DNMBP: variants seen among roughly 807,000 people sequenced by gnomAD.
The protein encoded by DNMBP is dynamin binding protein, also known as dynamin-binding protein.
A neutral mutation model predicts 150.0 loss-of-function variants in DNMBP; 87 were observed. The observed-to-expected ratio is 0.58, with a 90% CI of 0.49 to 0.69. The LOEUF (loss-of-function observed/expected upper bound fraction) is 0.69, where lower values mean the gene tolerates loss of function less well. DNMBP is among the 30% of genes least tolerant of loss of function. The pLI, the probability that DNMBP is intolerant of heterozygous loss-of-function variation, is 0.00. For synonymous variants in DNMBP, 711 were observed against 750.4 expected (o/e 0.95, Z 0.86); for missense variants, 1,774 against 1,949.0 (o/e 0.91, Z 1.69).
chr10:99,949,827 T>C (rs1240286437), intron 4 of DNMBP, among the ~76,000 whole-genome samples: 1 of 152,122 alleles, frequency 6.6e-6, no homozygotes, highest in African/African-American at 2.4e-5. Flanking sequence ...GTAGTACCAG[T>C]CCATTTACCC....
intron 1 of DNMBP, among the ~76,000 whole-genome samples, chr10:100,005,428 T>C (rs2041057372): frequency 6.6e-6 from 1 of 152,040 alleles, no homozygotes; most frequent in Non-Finnish European, 1.5e-5. Flanking sequence ...AGCAGAGAAT[T>C]AGACACATAA....
chr10:99,998,363 A>C (rs2040974273), intron 1 of DNMBP, among the ~76,000 whole-genome samples: 1 of 152,130 alleles, frequency 6.6e-6, no homozygotes, highest in Non-Finnish European at 1.5e-5. Flanking sequence ...GGATTGCCTG[A>C]GCTCAGGAGT....
At position 99,969,021 on chromosome 10, in the gene DNMBP, G is replaced by A. The variant is rs953194561; in HGVS notation, c.268+94C>T. ...TTGCCGAGGACTCTCTAGAGGTTAA[G>A]CCACTTCACAAATTCAAAAAGGATC... On this transcript the variant is annotated intron_variant, in intron 3 of 16. Coordinates refer to ENST00000324109, the MANE Select transcript of DNMBP (RefSeq NM_015221.4). 3.4e-6 allele frequency: 5 copies of A among 1,482,296 alleles called. No individual in the cohort carries two copies. The African/African-American group carries it at 6.9e-5, about 21-fold the overall frequency. 91.8% of individuals were successfully genotyped at this position (1,482,296 alleles called of 1,614,324 possible). A position where few individuals can be genotyped will look rare whatever the true frequency, so the allele number is the denominator to read the frequency against.
chr10:99,883,870 T>G, intron 15 of DNMBP, 141 bp downstream of exon 15: 1 of 713,124 alleles, frequency 1.4e-6, no homozygotes. Context: ...TAGAGAAGGT[T>G]AAGGTTATTT....
At chr10:99,913,941 C>T in intron 4 of DNMBP, 1 of 1,372,374 alleles carries the variant, frequency 7.3e-7, no homozygotes, top group Non-Finnish European at 9.5e-7. Flanking sequence ...GCTCCCACAC[C>T]CCAGGACCTA....
rs964301866 is a variant in DNMBP, at chr10:100,004,085, A to AG, written c.-11+5752_-11+5753insC. 2.6e-3 allele frequency among the ~76,000 whole-genome samples: 396 copies of AG among 150,662 alleles called. 2 individuals carry two copies. Among genetic ancestry groups the AG allele is most frequent in the Admixed American group, 3.6e-3 (55 of 15,132 alleles). On this transcript the variant is annotated intron_variant, in intron 1 of 16. Transcript: ENST00000324109. Reference sequence around the variant, plus strand: ...TATCTCTAAAAAAATTACAAAAAAAAAAAAGAAAAATTAGCCAGGGATGGT... The same window carrying AG: ...TATCTCTAAAAAAATTACAAAAAAAAGAAAAGAAAAATTAGCCAGGGATGGT...
intron 1 of DNMBP, among the ~76,000 whole-genome samples, chr10:99,974,000 A>C (rs1389735400): frequency 2.6e-5 from 4 of 152,130 alleles, no homozygotes; most frequent in African/African-American, 7.2e-5. Context: ...AAGGAAAAGG[A>C]AAGGGAAAAT....
chr10:99,969,558 A>C (rs1359916219), intron 2 of DNMBP, among the ~76,000 whole-genome samples: 1 of 152,266 alleles, frequency 6.6e-6, no homozygotes, highest in Non-Finnish European at 1.5e-5. Context: ...GAATTCAGAC[A>C]TAAATAATAA....
chr10:99,900,329 GA>G (rs2039720686), intron 6 of DNMBP, among the ~76,000 whole-genome samples: 2 of 152,274 alleles, frequency 1.3e-5, no homozygotes, highest in Admixed American at 6.5e-5. Flanking sequence ...ACCCAGGCTG[GA>G]GTGCAGTGGC....
chr10:99,945,334 C>T (rs541404975), intron 4 of DNMBP, among the ~76,000 whole-genome samples: 4 of 152,158 alleles, frequency 2.6e-5, no homozygotes, highest in Admixed American at 6.5e-5. Flanking sequence ...TACTGGCACG[C>T]GGAGTAAAAT....
chr10:99,876,407 G>GT lies in DNMBP; in HGVS notation c.*743_*744insA, dbSNP rs2039274990. On this transcript the variant is annotated 3_prime_UTR_variant, in exon 17 of 17. Coordinates refer to ENST00000324109, the MANE Select transcript of DNMBP (RefSeq NM_015221.4). ...AAGACCCCATCTCAAAAAAAAAAGC[G>GT]GGGGGGCAGTGATTGTACCTAACAA... 1 of 147,356 alleles carries GT rather than the reference G, an allele frequency of 6.8e-6. No homozygotes were observed. Among genetic ancestry groups the GT allele is most frequent in the Non-Finnish European group, 1.5e-5 (1 of 66,414 alleles). The allele number at this position is 147,356 out of a possible 1,614,324, so 9.1% of individuals were successfully genotyped here.
At chr10:100,005,764 C>CAAAAAA (rs760685767) in intron 1 of DNMBP, among the ~76,000 whole-genome samples, 3 of 37,966 alleles carry the variant, frequency 7.9e-5, no homozygotes, top group African/African-American at 3.0e-4. Flanking sequence ...CAAAAGTCTC[C>CAAAAAA]AAAAAAAAAA....
chr10:100,005,806 G>C (rs1234861032), intron 1 of DNMBP, among the ~76,000 whole-genome samples: 1 of 132,456 alleles, frequency 7.5e-6, no homozygotes, highest in African/African-American at 3.0e-5. Flanking sequence ...AAAGGAAAAT[G>C]AATTACAGCA....
At chr10:99,878,666 C>T (rs1466520868) in intron 16 of DNMBP, among the ~76,000 whole-genome samples, 7 of 152,166 alleles carry the variant, frequency 4.6e-5, no homozygotes, top group Admixed American at 1.3e-4. Flanking sequence ...ACCCAGGACA[C>T]GACTGGGCCT....
At chr10:99,993,188 T>A (rs1371381242) in intron 1 of DNMBP, among the ~76,000 whole-genome samples, 1 of 152,190 alleles carries the variant, frequency 6.6e-6, no homozygotes, top group Admixed American at 6.5e-5. Context: ...ATTATCTGCA[T>A]TAAAGAGAGA....
rs2040487384 is a variant in DNMBP at position 99,955,990 on chromosome 10, G to C, written c.1484C>G (p.Ser495Ter). 3 of 1,614,074 alleles carry C rather than the reference G, an allele frequency of 1.9e-6. No individual in the cohort carries two copies. Among genetic ancestry groups the C allele is most frequent in the African/African-American group, 1.3e-5 (1 of 74,924 alleles). ...TGCTAGGTTGTGGAGCTGAGGACTTGATTGTCTGGGTTTGACTACCCTTGA... is the reference window on the plus strand; with the variant it reads ...TGCTAGGTTGTGGAGCTGAGGACTTCATTGTCTGGGTTTGACTACCCTTGA... ...SASRVVKPRQ[S>*]SPQLHNLASY... Residue 495 changes from serine (S) to a stop codon, truncating the protein, a stop_gained, in exon 4 of 17, where the codon TCA (serine) becomes TGA (stop). Transcript: ENST00000324109. LOFTEE classifies it high-confidence loss of function.
intron 4 of DNMBP, among the ~76,000 whole-genome samples, chr10:99,917,424 A>G (rs2039976070): frequency 6.6e-6 from 1 of 152,230 alleles, no homozygotes; most frequent in African/African-American, 2.4e-5. Context: ...ACATATTTGA[A>G]AAGAGTGTTA....
chr10:99,898,466 T>G, intron 8 of DNMBP, 181 bp from the exon 9 acceptor site: 1 of 698,380 alleles, frequency 1.4e-6, no homozygotes, highest in Non-Finnish European at 2.5e-6. Flanking sequence ...CCAATTTCAG[T>G]CATTCAACAT....
intron 4 of DNMBP, among the ~76,000 whole-genome samples, chr10:99,924,035 T>C (rs1417300445): frequency 6.6e-6 from 1 of 152,088 alleles, no homozygotes; most frequent in African/African-American, 2.4e-5. Context: ...ATACCTGTAA[T>C]CCCAGCTACT....
Sources: allele counts gnomAD v4.1 joint callset (sites outside exome capture counted in the v4.1 genomes callset), GRCh38; gene constraint gnomAD v4.1.1; transcripts MANE v1.5; gene names NCBI Gene and HGNC (gene_info 2026-07-23, HGNC 2026-07-21).